Variants in FXYD3 observed in about 807,000 individuals in gnomAD.
FXYD3 encodes the protein FXYD domain containing ion transport regulator 3, also known as FXYD domain-containing ion transport regulator 3.
Under a neutral mutation model 19.2 loss-of-function variants are expected in FXYD3, and 13 were observed. The ratio of observed to expected loss-of-function variants is 0.68; its 90% CI spans 0.44 to 1.08. The LOEUF is 1.08. FXYD3 is among the 50% of genes least tolerant of loss of function. The pLI, the probability that FXYD3 is intolerant of heterozygous loss-of-function variation, is 0.00. For missense variants in FXYD3, 101 were observed against 109.4 expected, an observed-to-expected ratio of 0.92 and a Z score of 0.34; for synonymous variants, 48 against 38.9, an observed-to-expected ratio of 1.23 and a Z score of -0.87.
rs1383605576 is a variant in FXYD3 at position 35,122,900 on chromosome 19, C to G, written c.173-18C>G. On this transcript the variant is annotated intron_variant, in intron 6 of 8. Coordinates refer to ENST00000604404, the MANE Select transcript of FXYD3 (RefSeq NM_005971.4). ...GGCTGGGGCTCCCCTCCCCTGACCACTCAGCTCTCCCCAACAGGTGCAAAA... is the reference window on the plus strand; with the variant it reads ...GGCTGGGGCTCCCCTCCCCTGACCAGTCAGCTCTCCCCAACAGGTGCAAAA... 6.2e-7 allele frequency: 1 copy of G among 1,613,296 alleles called. No individual in the cohort carries two copies. The highest frequency in any genetic ancestry group is 1.3e-5 in the African/African-American group (1 of 74,916).
rs537658851 is a variant in FXYD3 at position 35,123,420 on chromosome 19, G to A, written c.248-21G>A. ...AAGAACTCAATCCACCCTCACAAAC[G>A]GACCCCATCACTTCCCGCAGGCTCA... On this transcript the variant is annotated intron_variant, in intron 8 of 8. Transcript: ENST00000604404. The A allele has an allele frequency of 5.9e-5, 96 of 1,613,890 alleles. No individual in the cohort carries two copies. In the South Asian group the frequency reaches 7.2e-4, roughly 12 times the overall value.
At chr19:35,119,096 T>G (rs967574432) in intron 2 of FXYD3, 2 of 1,101,768 alleles carry the variant, frequency 1.8e-6, no homozygotes, top group East Asian at 5.1e-5. Flanking sequence ...GCGCCCTTGT[T>G]TGGTTGCGGG....
rs1284616298 is a variant in FXYD3, at chr19:35,119,308, C to A, written c.-14-55C>A. 1.7e-5 allele frequency: 28 copies of A among 1,607,714 alleles called. No homozygotes were observed. The South Asian group carries it at 2.4e-4, about 14-fold the overall frequency. ...GAGGAGGGTTGGGGAGCCACAGGCA[C>A]AGGGCCAGCCTCCCGGTGGCTCTGC... On this transcript the variant is annotated intron_variant, in intron 2 of 8. Transcript: ENST00000604404.
chr19:35,123,022 C>G, intron 7 of FXYD3, 68 bp downstream of exon 7: 3 of 1,514,118 alleles, frequency 2.0e-6, no homozygotes, highest in African/African-American at 2.8e-5. Flanking sequence ...AGGGCTAACT[C>G]TCCCAGCAGG....
At chr19:35,121,364 A>G in intron 5 of FXYD3, 119 bp downstream of exon 5, 2 of 1,611,598 alleles carry the variant, frequency 1.2e-6, no homozygotes, top group Non-Finnish European at 8.5e-7. Flanking sequence ...CGAAGGGACT[A>G]GGATGGGGTT....
chr19:35,120,981 C>A, intron 3 of FXYD3, 97 bp from the exon 4 acceptor site: 1 of 1,328,180 alleles, frequency 7.5e-7, no homozygotes, highest in Non-Finnish European at 1.1e-6. Flanking sequence ...CCGCAGGAGA[C>A]CCTTTCCCAA....
chr19:35,119,443 T>G, intron 3 of FXYD3, 27 bp downstream of exon 3: 1 of 1,607,142 alleles, frequency 6.2e-7, no homozygotes, highest in South Asian at 1.1e-5. Context: ...CGTCTGCCTT[T>G]TCCTCTGGAT....
intron 5 of FXYD3, 195 bp downstream of exon 5, chr19:35,121,440 A>G (rs950305057): frequency 2.7e-6 from 4 of 1,502,078 alleles, no homozygotes; most frequent in Non-Finnish European, 3.6e-6. Context: ...GGAAGGTTCT[A>G]TTCCAGCAAG....
chr19:35,120,705 A>C (rs1374028840), intron 3 of FXYD3, among the ~76,000 whole-genome samples: 1 of 152,208 alleles, frequency 6.6e-6, no homozygotes, highest in Non-Finnish European at 1.5e-5. Flanking sequence ...TTTGAGCATG[A>C]TTGGACTTGG....
Position 35,117,757 on chromosome 19 carries a change from C to CCAAA in FXYD3, c.-15+1398_-15+1399insCAAA, listed in dbSNP as rs564278347. Among the ~76,000 whole-genome samples the CCAAA allele has an allele frequency of 2.4e-4, 16 of 65,716 alleles. No individual in the cohort carries two copies. The Admixed American group carries it at 3.2e-3, about 13-fold the overall frequency. 43.1% of individuals were successfully genotyped at this position (65,716 alleles called of 152,430 possible). On this transcript the variant is annotated intron_variant, in intron 2 of 8. Transcript: ENST00000604404. The stretch of plus-strand genomic sequence containing the variant: ...CCCAAAGCCTCAGGCTTTCTTCCCG[C>CCAAA]AAAAAAAGGAAAAGAAATGGATGCT...
At chr19:35,118,591 G>A (rs2064957671) in intron 2 of FXYD3, 2 of 993,750 alleles carry the variant, frequency 2.0e-6, no homozygotes, top group East Asian at 1.1e-4. Context: ...GAACTCTGCT[G>A]GGCCTAGGGT....
At chr19:35,120,181 C>T (rs1198132234) in intron 3 of FXYD3, among the ~76,000 whole-genome samples, 2 of 151,080 alleles carry the variant, frequency 1.3e-5, no homozygotes, top group Non-Finnish European at 3.0e-5. Context: ...GCTCTGTTGC[C>T]CAGGCTGGAG....
intron 2 of FXYD3, chr19:35,117,330 T>A: frequency 6.6e-7 from 1 of 1,508,432 alleles, no homozygotes. Flanking sequence ...TAGTGGGGCC[T>A]TGCAGGCCAG....
At chr19:35,119,488 C>G (rs979426193) in intron 3 of FXYD3, 72 bp downstream of exon 3, 1 of 1,397,984 alleles carries the variant, frequency 7.2e-7, no homozygotes, top group Non-Finnish European at 1.0e-6. Flanking sequence ...CTGTCTCTCT[C>G]CTGTGCTTTT....
In FXYD3 at chr19:35,123,593, AC is replaced by A. The variant is rs2065100534; in HGVS notation, c.*138del. On this transcript the variant is annotated 3_prime_UTR_variant, in exon 9 of 9. Transcript: ENST00000604404. ...CCTTTGCATGGCAGGGCCTCATCTC[AC>A]CTCTCGCAAGAGGGTCTCTTTGTTC... 1.2e-6 allele frequency: 1 copy of A among 849,988 alleles called. No individual in the cohort carries two copies. The highest frequency in any genetic ancestry group is 1.6e-5 in the South Asian group (1 of 63,752). The allele number at this position is 849,988 out of a possible 1,614,324, so 52.7% of individuals were successfully genotyped here.
intron 3 of FXYD3, chr19:35,119,835 G>T: frequency 5.5e-6 from 1 of 182,260 alleles, no homozygotes; most frequent in Admixed American, 5.8e-5. Context: ...CATGCCCAGT[G>T]CATTTTTGAT....
chr19:35,119,171 C>G, intron 2 of FXYD3, 192 bp from the exon 3 acceptor site: 2 of 1,554,154 alleles, frequency 1.3e-6, no homozygotes, highest in Non-Finnish European at 1.7e-6. Flanking sequence ...GCCTCAGGCC[C>G]GAGTTTCACC....
Position 35,117,314 on chromosome 19 carries a change from G to C in FXYD3, c.-15+955G>C, listed in dbSNP as rs1429759432. ...CTTGGCTGGATGACATCATGGGAAGGGGGTATAGTGGGGCCTTGCAGGCCA... is the reference window on the plus strand; with the variant it reads ...CTTGGCTGGATGACATCATGGGAAGCGGGTATAGTGGGGCCTTGCAGGCCA... On this transcript the variant is annotated intron_variant, in intron 2 of 8. Coordinates refer to ENST00000604404, the MANE Select transcript of FXYD3 (RefSeq NM_005971.4). The C allele has an allele frequency of 1.2e-5, 18 of 1,509,924 alleles. No individual in the cohort carries two copies. In the East Asian group the frequency reaches 4.0e-4, roughly 33 times the overall value. 93.5% of individuals were successfully genotyped at this position (1,509,924 alleles called of 1,614,324 possible).
chr19:35,122,981 C>G, intron 7 of FXYD3, 27 bp downstream of exon 7: 2 of 1,551,820 alleles, frequency 1.3e-6, no homozygotes, highest in Non-Finnish European at 1.7e-6. Flanking sequence ...GCATGCCCGC[C>G]TCAGGCTGAC....
Sources: gnomAD v4.1 joint callset for allele counts (sites outside exome capture counted in the v4.1 genomes callset) on GRCh38, gnomAD v4.1.1 for gene constraint, MANE v1.5 for transcripts, NCBI Gene and HGNC (gene_info 2026-07-23, HGNC 2026-07-21) for gene names.